Variants in SPRR2E observed in about 807,000 individuals in gnomAD.
The protein encoded by SPRR2E is small proline rich protein 2E.
For missense variants in SPRR2E, 68 were observed against 87.1 expected (o/e 0.78, Z 0.87); for synonymous variants, 20 against 32.2 (o/e 0.62, Z 1.28).
Position 153,093,740 on chromosome 1 carries a change from T to C in SPRR2E, c.12A>G (p.Gln4=), listed in dbSNP as rs780964568. The C allele has an allele frequency of 5.6e-6, 9 of 1,612,116 alleles. No homozygotes were observed. Among genetic ancestry groups the C allele is most frequent in the Middle Eastern group, 2.2e-4 (1 of 4,596 alleles). MSY[Q]QQQCKQPCQP... is the part of the protein sequence containing the mutation. Reference sequence around the variant, plus strand: ...GGCAGGGCTGCTTGCACTGCTGCTGTTGATAAGACATCCTGCTGGAGTCTC... The same window carrying C: ...GGCAGGGCTGCTTGCACTGCTGCTGCTGATAAGACATCCTGCTGGAGTCTC... The change falls in exon 2 of 2, where the codon CAA becomes CAG. Residue 4 remains glutamine, a synonymous_variant. Coordinates refer to ENST00000368750, the MANE Select transcript of SPRR2E (RefSeq NM_001024209.4).
At chr1:153,093,829 A>C in intron 1 of SPRR2E, 59 bp from the exon 2 acceptor site, 1 of 1,605,666 alleles carries the variant, frequency 6.2e-7, no homozygotes, top group East Asian at 2.2e-5. Context: ...AGAGAAGCCA[A>C]AGCTTATGTA....
At chr1:153,094,102 T>C (rs1215738620) in intron 1 of SPRR2E, among the ~76,000 whole-genome samples, 1 of 152,250 alleles carries the variant, frequency 6.6e-6, no homozygotes, top group Non-Finnish European at 1.5e-5. Context: ...ATTCCTATCA[T>C]CATTATCTGT....
intron 1 of SPRR2E, among the ~76,000 whole-genome samples, chr1:153,094,210 A>C (rs1655166109): frequency 6.6e-6 from 1 of 152,266 alleles, no homozygotes; most frequent in South Asian, 2.1e-4. Context: ...TTTGAAAAGG[A>C]TACCAGGAAA....
chr1:153,094,046 G>T (rs1655163039), intron 1 of SPRR2E, among the ~76,000 whole-genome samples: 1 of 152,220 alleles, frequency 6.6e-6, no homozygotes, highest in Non-Finnish European at 1.5e-5. Context: ...GACATCTTCA[G>T]GAAAGGCAGT....
intron 1 of SPRR2E, among the ~76,000 whole-genome samples, 186 bp downstream of exon 1, chr1:153,094,298 T>C (rs542057239): frequency 1.3e-5 from 2 of 152,366 alleles, no homozygotes; most frequent in South Asian, 4.1e-4. Context: ...CATATGGACA[T>C]ATAATTGTAC....
In SPRR2E at chr1:153,093,295, G is replaced by A. The variant is rs541599723; in HGVS notation, c.*238C>T. ...TGCTGGTCCTTCTTCCAAAGCTCTG[G>A]GAACTGACACTGCTGAGGACTTCCT... is the stretch of plus-strand genomic sequence containing the variant. On this transcript the variant is annotated 3_prime_UTR_variant, in exon 2 of 2. Coordinates refer to ENST00000368750, the MANE Select transcript of SPRR2E (RefSeq NM_001024209.4). 1.3e-4 allele frequency: 92 copies of A among 723,938 alleles called. No individual in the cohort carries two copies. The highest frequency in any genetic ancestry group is 4.0e-4 in the Middle Eastern group (1 of 2,510). 44.8% of individuals were successfully genotyped at this position (723,938 alleles called of 1,614,324 possible).
intron 1 of SPRR2E, 140 bp from the exon 2 acceptor site, chr1:153,093,910 C>A: frequency 7.5e-7 from 1 of 1,329,754 alleles, no homozygotes; most frequent in Non-Finnish European, 1.0e-6. Context: ...TCATGACTTC[C>A]TGTCTTCTCC....
chr1:153,094,305 G>T (rs1372255764), intron 1 of SPRR2E, among the ~76,000 whole-genome samples, 179 bp downstream of exon 1: 1 of 152,156 alleles, frequency 6.6e-6, no homozygotes, highest in Non-Finnish European at 1.5e-5. Flanking sequence ...ACATATAATT[G>T]TACATTTTTT....
chr1:153,093,906 C>T (rs1006634349), intron 1 of SPRR2E, 136 bp from the exon 2 acceptor site: 5 of 1,326,588 alleles, frequency 3.8e-6, no homozygotes, highest in African/African-American at 1.5e-5. Flanking sequence ...CTTTTCATGA[C>T]TTCCTGTCTT....
At position 153,093,480 on chromosome 1, in the gene SPRR2E, A is replaced by C. The variant is rs79905556; in HGVS notation, c.*53T>G. The C allele has an allele frequency of 2.5e-6, 4 of 1,584,188 alleles. No individual in the cohort carries two copies. The highest frequency in any genetic ancestry group is 3.4e-6 in the Non-Finnish European group (4 of 1,164,758). ...GAAGATGCAGGTGAAGCTGTGGAAC[A>C]AGGTGAGCCAATTATCCTTATCCTT... is the stretch of plus-strand genomic sequence containing the variant. On this transcript the variant is annotated 3_prime_UTR_variant, in exon 2 of 2. Transcript: ENST00000368750.
At position 153,093,428 on chromosome 1, in the gene SPRR2E, C is replaced by G; in HGVS notation, c.*105G>C. ...CACTGGCTAAGAGGAAAGAAGCTAACTGTGTATCCATGGTAGGCTTTGATG... is the reference window on the plus strand; with the variant it reads ...CACTGGCTAAGAGGAAAGAAGCTAAGTGTGTATCCATGGTAGGCTTTGATG... On this transcript the variant is annotated 3_prime_UTR_variant, in exon 2 of 2. Coordinates refer to ENST00000368750, the MANE Select transcript of SPRR2E (RefSeq NM_001024209.4). 1.3e-6 allele frequency: 2 copies of G among 1,531,330 alleles called. No individual in the cohort carries two copies. Among genetic ancestry groups the G allele is most frequent in the Non-Finnish European group, 1.8e-6 (2 of 1,135,938 alleles). 94.9% of individuals were successfully genotyped at this position (1,531,330 alleles called of 1,614,324 possible). A position where few individuals can be genotyped will look rare whatever the true frequency, so the allele number is the denominator to read the frequency against.
chr1:153,093,375 T>A lies in SPRR2E; in HGVS notation c.*158A>T. The A allele has an allele frequency of 7.2e-7, 1 of 1,388,996 alleles. No homozygotes were observed. The highest frequency in any genetic ancestry group is 9.7e-7 in the Non-Finnish European group (1 of 1,028,414). The allele number at this position is 1,388,996 out of a possible 1,614,324, so 86.0% of individuals were successfully genotyped here. A position where few individuals can be genotyped will look rare whatever the true frequency, so the allele number is the denominator to read the frequency against. ...ATGGCAGCCTCAGAAAGGAAACCTT[T>A]TGCTATCAGGGATCATCATGGGCAG... On this transcript the variant is annotated 3_prime_UTR_variant, in exon 2 of 2. Coordinates refer to ENST00000368750, the MANE Select transcript of SPRR2E (RefSeq NM_001024209.4).
Sources: gnomAD v4.1 joint callset for allele counts (sites outside exome capture counted in the v4.1 genomes callset) on GRCh38, gnomAD v4.1.1 for gene constraint, MANE v1.5 for transcripts, NCBI Gene and HGNC (gene_info 2026-07-23, HGNC 2026-07-21) for gene names.